The following CSMD1 variants were observed in gnomAD, a reference collection of about 807,000 sequenced individuals.
CSMD1 encodes the protein CUB and sushi domain-containing protein 1.
A neutral mutation model predicts 417.5 loss-of-function variants in CSMD1; 213 were observed. The observed-to-expected ratio is 0.51, with a 90% CI of 0.46 to 0.57. CSMD1 has a LOEUF of 0.57. Among genes scored for constraint, CSMD1 ranks in the 20% least tolerant of loss-of-function variants. CSMD1 has a pLI of 0.00. For synonymous variants in CSMD1, 2,862 were observed against 1,736.8 expected, an observed-to-expected ratio of 1.65 and a Z score of -16.11; for missense variants, 6,923 against 4,529.7, an observed-to-expected ratio of 1.53 and a Z score of -15.17.
chr8:3,597,491 AT>A (rs2117058319), intron 8 of CSMD1, among the ~76,000 whole-genome samples: 1 of 152,324 alleles, frequency 6.6e-6, no homozygotes, highest in East Asian at 1.9e-4. Flanking sequence ...ATAGTTGTAA[AT>A]AAAATGCAGC....
At chr8:3,846,913 G>A (rs1305394596) in intron 5 of CSMD1, among the ~76,000 whole-genome samples, 1 of 152,170 alleles carries the variant, frequency 6.6e-6, no homozygotes, top group Non-Finnish European at 1.5e-5. Context: ...GACCTTAGGT[G>A]ATCCACCCGC....
intron 7 of CSMD1, among the ~76,000 whole-genome samples, chr8:3,676,677 C>T (rs995270386): frequency 2.6e-5 from 4 of 152,082 alleles, no homozygotes; most frequent in African/African-American, 9.7e-5. Context: ...AATCAAGTTC[C>T]ATATCTTAAA....
intron 23 of CSMD1, among the ~76,000 whole-genome samples, chr8:3,324,544 T>G (rs1585001316): frequency 2.7e-5 from 4 of 147,332 alleles, no homozygotes; most frequent in African/African-American, 1.0e-4. Context: ...CCCCCCACCA[T>G]TCGTCACTGT....
At chr8:4,223,228 G>T (rs911872704) in intron 3 of CSMD1, among the ~76,000 whole-genome samples, 2 of 151,912 alleles carry the variant, frequency 1.3e-5, no homozygotes, top group Non-Finnish European at 2.9e-5. Flanking sequence ...TGAAATCTTT[G>T]CTTCTTGAAC....
chr8:4,643,338 C>T (rs1324657156), intron 1 of CSMD1, among the ~76,000 whole-genome samples: 2 of 152,152 alleles, frequency 1.3e-5, no homozygotes, highest in African/African-American at 2.4e-5. Context: ...ATATAAATTA[C>T]TGTGTAAACG....
chr8:3,327,050 G>C (rs76992922), intron 23 of CSMD1, among the ~76,000 whole-genome samples: 1,691 of 151,838 alleles, frequency 0.011, 42 homozygotes, highest in African/African-American at 0.038. Context: ...ATAAAAACAA[G>C]TGGAAAGGTT....
At chr8:3,881,064 A>T (rs879421215) in intron 5 of CSMD1, among the ~76,000 whole-genome samples, 1 of 152,170 alleles carries the variant, frequency 6.6e-6, no homozygotes, top group African/African-American at 2.4e-5. Flanking sequence ...GAATTCAAAA[A>T]ATTATATAAA....
intron 3 of CSMD1, among the ~76,000 whole-genome samples, chr8:4,263,580 A>G (rs1425516968): frequency 6.6e-6 from 1 of 152,180 alleles, no homozygotes; most frequent in Non-Finnish European, 1.5e-5. Context: ...AACAATCATG[A>G]GTCAATTTTC....
chr8:3,261,753 C>G (rs900024203), intron 26 of CSMD1, among the ~76,000 whole-genome samples: 1 of 152,032 alleles, frequency 6.6e-6, no homozygotes, highest in Non-Finnish European at 1.5e-5. Context: ...GTCCGAGAGA[C>G]GACACACTGC....
chr8:4,306,509 C>A (rs2407890), intron 3 of CSMD1, among the ~76,000 whole-genome samples: 4 of 151,982 alleles, frequency 2.6e-5, no homozygotes, highest in South Asian at 4.1e-4. Context: ...TCTAGAACCA[C>A]TGATATCCAC....
chr8:3,629,166 G>T (rs999907132), intron 7 of CSMD1, among the ~76,000 whole-genome samples: 1 of 152,106 alleles, frequency 6.6e-6, no homozygotes, highest in African/African-American at 2.4e-5. Flanking sequence ...GATGTTCGCA[G>T]GACGCAGGGG....
At chr8:4,860,361 T>C (rs1479790514) in intron 1 of CSMD1, among the ~76,000 whole-genome samples, 2 of 151,356 alleles carry the variant, frequency 1.3e-5, no homozygotes, top group East Asian at 3.9e-4. Context: ...TGTATACATA[T>C]GTAACTAACC....
At chr8:3,918,521 C>G (rs914875711) in intron 5 of CSMD1, among the ~76,000 whole-genome samples, 5 of 151,984 alleles carry the variant, frequency 3.3e-5, no homozygotes, top group Non-Finnish European at 5.9e-5. Flanking sequence ...GTTATTTGCC[C>G]ATTTTTAATT....
At chr8:3,863,916 G>C (rs776679777) in intron 5 of CSMD1, among the ~76,000 whole-genome samples, 17 of 152,050 alleles carry the variant, frequency 1.1e-4, no homozygotes, top group Non-Finnish European at 1.5e-4. Flanking sequence ...GTATCCTTTA[G>C]AAGCTTATGG....
chr8:4,160,821 G>A (rs772538022), intron 3 of CSMD1, among the ~76,000 whole-genome samples: 2 of 152,166 alleles, frequency 1.3e-5, no homozygotes, highest in African/African-American at 4.8e-5. Flanking sequence ...TATCAGAAAA[G>A]AAGAAGAAAA....
Position 3,499,913 on chromosome 8 carries a change from A to G in CSMD1, c.1345-6187T>C, listed in dbSNP as rs189365176. On this transcript the variant is annotated intron_variant, in intron 10 of 69. Transcript: ENST00000635120. ...CTGAGGCCCAGAGAACAAGAGAGGA[A>G]CCCGGTGTGAGTTCTCTCCCCGGAG... is the stretch of plus-strand genomic sequence containing the variant. Among the ~76,000 whole-genome samples, 8 of 152,088 alleles carry G rather than the reference A, an allele frequency of 5.3e-5. No homozygotes were observed. The East Asian group carries it at 1.6e-3, about 30-fold the overall frequency.
At chr8:3,818,213 G>A (rs527747356) in intron 5 of CSMD1, among the ~76,000 whole-genome samples, 15 of 151,954 alleles carry the variant, frequency 9.9e-5, no homozygotes, top group East Asian at 5.8e-4. Flanking sequence ...CCATGAAAAC[G>A]CAGAGCCCAC....
chr8:3,565,509 T>C (rs1454977509), intron 10 of CSMD1, among the ~76,000 whole-genome samples: 2 of 152,216 alleles, frequency 1.3e-5, no homozygotes, highest in Non-Finnish European at 2.9e-5. Context: ...TTTCAAAATG[T>C]CTTAAACCAA....
intron 6 of CSMD1, among the ~76,000 whole-genome samples, chr8:3,726,831 G>C (rs547814421): frequency 6.6e-6 from 1 of 152,118 alleles, no homozygotes; most frequent in South Asian, 2.1e-4. Context: ...TAATCAGTTT[G>C]AGTCACTGTA....
Sources: gnomAD v4.1 joint callset for allele counts (sites outside exome capture counted in the v4.1 genomes callset) on GRCh38, gnomAD v4.1.1 for gene constraint, MANE v1.5 for transcripts, NCBI Gene and HGNC (gene_info 2026-07-23, HGNC 2026-07-21) for gene names.